The following FURIN variants were observed in gnomAD, a reference collection of about 807,000 sequenced individuals.
FURIN encodes the protein FES upstream region.
In FURIN, 18 loss-of-function variants were observed where a neutral mutation model predicts 89.2. That is an observed-to-expected ratio of 0.20 (90% confidence interval 0.14 to 0.30). The LOEUF (loss-of-function observed/expected upper bound fraction) is 0.30, where lower values mean the gene tolerates loss of function less well. Among genes scored for constraint, FURIN ranks in the 10% least tolerant of loss-of-function variants. FURIN has a pLI of 1.00. For missense variants in FURIN, 879 were observed against 1,100.5 expected (o/e 0.80, Z 2.85); for synonymous variants, 508 against 466.4 (o/e 1.09, Z -1.15).
chr15:90,871,845 T>C (rs1190999054), intron 1 of FURIN, among the ~76,000 whole-genome samples: 1 of 148,038 alleles, frequency 6.8e-6, no homozygotes, highest in East Asian at 2.1e-4. Flanking sequence ...GCCCCGAGGG[T>C]GGAGCTGCCG....
rs1177613510 is a variant in FURIN, at chr15:90,882,612, G to C, written c.*734G>C. The C allele has an allele frequency of 6.5e-6, 1 of 152,776 alleles. No individual in the cohort carries two copies. Among genetic ancestry groups the C allele is most frequent in the Non-Finnish European group, 1.5e-5 (1 of 68,148 alleles). The allele number at this position is 152,776 out of a possible 1,614,324, so 9.5% of individuals were successfully genotyped here. A position where few individuals can be genotyped will look rare whatever the true frequency, so the allele number is the denominator to read the frequency against. On this transcript the variant is annotated 3_prime_UTR_variant, in exon 16 of 16. Transcript: ENST00000268171. ...CCAAGTCCCTGTTTTCTGAGCCCGGGCTGCCTGGGCTGTTGGCACTCACAG... is the reference window on the plus strand; with the variant it reads ...CCAAGTCCCTGTTTTCTGAGCCCGGCCTGCCTGGGCTGTTGGCACTCACAG...
intron 1 of FURIN, among the ~76,000 whole-genome samples, chr15:90,869,410 G>C (rs1057243166): frequency 1.3e-5 from 2 of 152,216 alleles, no homozygotes; most frequent in African/African-American, 4.8e-5. Flanking sequence ...GGTCAAATGG[G>C]ATTTTTTTCC....
chr15:90,870,228 T>C (rs543223687), intron 1 of FURIN, among the ~76,000 whole-genome samples: 35 of 152,300 alleles, frequency 2.3e-4, no homozygotes, highest in African/African-American at 8.4e-4. Context: ...CAGCAAAAAA[T>C]AGTGCCCCAG....
intron 1 of FURIN, among the ~76,000 whole-genome samples, chr15:90,870,104 AGT>A (rs2031218186): frequency 6.6e-6 from 1 of 152,190 alleles, no homozygotes; most frequent in Non-Finnish European, 1.5e-5. Context: ...CAGTTCTTGC[AGT>A]GTTTGTAAAG....
Position 90,880,615 on chromosome 15 carries a change from C to T in FURIN, c.1557-76C>T. 4 of 1,499,062 alleles carry T rather than the reference C, an allele frequency of 2.7e-6. No homozygotes were observed. In the East Asian group the frequency reaches 9.1e-5, roughly 34 times the overall value. 92.9% of individuals were successfully genotyped at this position (1,499,062 alleles called of 1,614,324 possible). ...TCTGCGTGGGGGAAGGGTGTGTGGC[C>T]CATGTGCTGTGGGTTAGATGTCCCT... is the stretch of plus-strand genomic sequence containing the variant. On this transcript the variant is annotated intron_variant, in intron 13 of 15. Transcript: ENST00000268171.
rs902920456 is a variant in FURIN, at chr15:90,875,764, A to G, written c.24A>G (p.Leu8=). 12 of 1,552,460 alleles carry G rather than the reference A, an allele frequency of 7.7e-6. No homozygotes were observed. The Admixed American group carries it at 1.6e-4, about 20-fold the overall frequency. Residue 8 remains leucine (L), a synonymous_variant, in exon 2 of 16, where the codon CTA becomes CTG. Transcript: ENST00000268171. ...CCATGGAGCTGAGGCCCTGGTTGCT[A>G]TGGGTGGTAGCAGCAACAGGAACCT... is the stretch of plus-strand genomic sequence containing the variant. MELRPWL[L]WVVAATGTLV...
chr15:90,877,455 T>C, intron 6 of FURIN, 72 bp from the exon 7 acceptor site: 1 of 1,236,002 alleles, frequency 8.1e-7, no homozygotes, highest in Non-Finnish European at 1.1e-6. Context: ...TCCCTCGTGC[T>C]CCTCAGGCCA....
In FURIN at chr15:90,876,610, C is replaced by A; in HGVS notation, c.372+53C>A. On this transcript the variant is annotated intron_variant, in intron 4 of 15. Transcript: ENST00000268171. The surrounding 1 kb of genome is among the most constrained non-coding windows in gnomAD (Gnocchi z 5.0). ...CTCCTCCCCAGATGCACCATCCACC[C>A]ACTATGAGCTCTTGGATGGAGGAGG... is the stretch of plus-strand genomic sequence containing the variant. 1 of 1,166,276 alleles carries A rather than the reference C, an allele frequency of 8.6e-7. No homozygotes were observed. The highest frequency in any genetic ancestry group is 1.3e-6 in the Non-Finnish European group (1 of 777,058). 72.2% of individuals were successfully genotyped at this position (1,166,276 alleles called of 1,614,324 possible).
In FURIN at chr15:90,877,438, G is replaced by A. The variant is rs866010000; in HGVS notation, c.579-89G>A. Reference sequence around the variant, plus strand: ...ACTCAGGGGATGATGGGTGTCGGATGTGCGGATCCCTCGTGCTCCTCAGGC... The same window carrying A: ...ACTCAGGGGATGATGGGTGTCGGATATGCGGATCCCTCGTGCTCCTCAGGC... On this transcript the variant is annotated intron_variant, in intron 6 of 15. Transcript: ENST00000268171. 192 of 1,062,248 alleles carry A rather than the reference G, an allele frequency of 1.8e-4. 2 individuals are homozygous for A. In the Middle Eastern group the frequency reaches 5.5e-3, roughly 30 times the overall value. The allele number at this position is 1,062,248 out of a possible 1,614,324, so 65.8% of individuals were successfully genotyped here.
Position 90,883,437 on chromosome 15 carries a change from CGT to C in FURIN, c.*1561_*1562del, listed in dbSNP as rs1443037585. 6.6e-6 allele frequency: 1 copy of C among 152,582 alleles called. No homozygotes were observed. Among genetic ancestry groups the C allele is most frequent in the African/African-American group, 2.4e-5 (1 of 41,458 alleles). 9.5% of individuals were successfully genotyped at this position (152,582 alleles called of 1,614,324 possible). A position where few individuals can be genotyped will look rare whatever the true frequency, so the allele number is the denominator to read the frequency against. On this transcript the variant is annotated 3_prime_UTR_variant, in exon 16 of 16. Transcript: ENST00000268171. ...TGTTAGAGGTTTTAAAGTGATTAAA[CGT>C]GCAGACTATGCAAACCAGGCCCAGT...
chr15:90,877,676 C>A, intron 7 of FURIN, 61 bp downstream of exon 7: 1 of 1,204,126 alleles, frequency 8.3e-7, no homozygotes, highest in Non-Finnish European at 1.2e-6. Context: ...TTTTTCCCGC[C>A]CACTTCCCAT....
intron 13 of FURIN, 95 bp from the exon 14 acceptor site, chr15:90,880,596 T>G: frequency 1.4e-6 from 2 of 1,390,476 alleles, no homozygotes; most frequent in Non-Finnish European, 2.0e-6. Flanking sequence ...TTGGTCTGCG[T>G]GGGGGAAGGG....
intron 1 of FURIN, among the ~76,000 whole-genome samples, chr15:90,872,164 G>C (rs996022816): frequency 1.9e-4 from 29 of 151,396 alleles, no homozygotes; most frequent in Non-Finnish European, 3.5e-4. Context: ...CCTCGCCCCC[G>C]CCCGCACACC....
rs187328401 is a variant in FURIN, at chr15:90,875,429, T to C, written c.-159-153T>C. On this transcript the variant is annotated intron_variant, in intron 1 of 15. Transcript: ENST00000268171. Reference sequence around the variant, plus strand: ...CATCTATGTGGCTGGCCTTGGGGGCTAGATTTCTTCTGGGGAGGACTAATT... The same window carrying C: ...CATCTATGTGGCTGGCCTTGGGGGCCAGATTTCTTCTGGGGAGGACTAATT... 6.6e-5 allele frequency among the ~76,000 whole-genome samples: 10 copies of C among 152,344 alleles called. No individual in the cohort carries two copies. The East Asian group carries it at 1.9e-3, about 29-fold the overall frequency.
chr15:90,876,890 C>T lies in FURIN; in HGVS notation c.373-6C>T, dbSNP rs572478687. On this transcript the variant is annotated splice_polypyrimidine_tract_variant and splice_region_variant and intron_variant, in intron 4 of 15. Transcript: ENST00000268171. This position sits in a 1 kb window ranked among gnomAD's most constrained non-coding sequence, Gnocchi z 5.0. ...CTCATAAGTGATGGGGTGGGTGTCT[C>T]CACAGTCTGGTGTCACTCAGCGGGA... 1 of 1,613,974 alleles carries T rather than the reference C, an allele frequency of 6.2e-7. No individual in the cohort carries two copies. The highest frequency in any genetic ancestry group is 1.3e-5 in the African/African-American group (1 of 75,062).
rs770393100 is a variant in FURIN at position 90,878,266 on chromosome 15, C to T, written c.802C>T (p.Arg268Cys). The T allele has an allele frequency of 3.1e-6, 5 of 1,608,396 alleles. No individual in the cohort carries two copies. The highest frequency in any genetic ancestry group is 1.1e-5 in the South Asian group (1 of 90,652). ...CGGCAAGACAGTGGATGGGCCAGCC[C>T]GCCTCGCCGAGGAGGCCTTCTTCCG... is the stretch of plus-strand genomic sequence containing the variant. The part of the protein sequence containing the change: ...DDGKTVDGPA[R>C]LAEEAFFRGV... The change falls in exon 8 of 16, where the codon CGC becomes TGC. Residue 268 changes from arginine (R) to cysteine (C), a missense_variant. Transcript: ENST00000268171.
At chr15:90,869,242 G>C (rs1012925135) in intron 1 of FURIN, among the ~76,000 whole-genome samples, 2 of 152,130 alleles carry the variant, frequency 1.3e-5, no homozygotes, top group Non-Finnish European at 2.9e-5. Flanking sequence ...CCTGCTAACT[G>C]CTGTGTAAAA....
chr15:90,876,671 C>A lies in FURIN; in HGVS notation c.372+114C>A. The A allele has an allele frequency of 1.2e-6, 1 of 851,564 alleles. No homozygotes were observed. The highest frequency in any genetic ancestry group is 1.9e-6 in the Non-Finnish European group (1 of 513,586). The allele number at this position is 851,564 out of a possible 1,614,324, so 52.8% of individuals were successfully genotyped here. The stretch of plus-strand genomic sequence containing the variant: ...GGCCTCCTCTGATTCGTTTCCTTTC[C>A]TCCTGCTGGGCAGTCTCTCCTTGGC... On this transcript the variant is annotated intron_variant, in intron 4 of 15. Coordinates refer to ENST00000268171, the MANE Select transcript of FURIN (RefSeq NM_002569.4). The surrounding 1 kb of genome is among the most constrained non-coding windows in gnomAD (Gnocchi z 5.0).
chr15:90,875,017 T>G (rs921401203), intron 1 of FURIN, among the ~76,000 whole-genome samples: 7 of 151,230 alleles, frequency 4.6e-5, no homozygotes, highest in Non-Finnish European at 7.4e-5. Context: ...TCATCCTGCT[T>G]CTTCTGTTAC....
Sources: allele counts gnomAD v4.1 joint callset (sites outside exome capture counted in the v4.1 genomes callset), GRCh38; gene constraint gnomAD v4.1.1; non-coding constraint Gnocchi (gnomAD v3.1); transcripts MANE v1.5; gene names NCBI Gene and HGNC (gene_info 2026-07-23, HGNC 2026-07-21).